GRM1: variants seen among roughly 807,000 people sequenced by gnomAD.
GRM1 encodes the protein metabotropic glutamate receptor 1.
In GRM1, 33 loss-of-function variants were observed where a neutral mutation model predicts 90.9. The observed-to-expected ratio is 0.36, with a 90% CI of 0.28 to 0.49. The LOEUF (loss-of-function observed/expected upper bound fraction) is 0.49. GRM1 is among the 20% of genes least tolerant of loss of function. The probability of loss-of-function intolerance (pLI) is 0.99; values close to 1 mark genes in which losing one functional copy is unlikely to be tolerated. For synonymous variants in GRM1, 700 were observed against 613.2 expected, an observed-to-expected ratio of 1.14 and a Z score of -2.09; for missense variants, 1,190 against 1,534.3, an observed-to-expected ratio of 0.78 and a Z score of 3.75.
intron 2 of GRM1, among the ~76,000 whole-genome samples, chr6:146,231,216 G>C (rs1023792451): frequency 2.0e-5 from 3 of 152,106 alleles, no homozygotes; most frequent in Admixed American, 6.6e-5. Flanking sequence ...TACCACTCTG[G>C]TGCGTGATGT....
chr6:146,231,295 A>G (rs944846009), intron 2 of GRM1, among the ~76,000 whole-genome samples: 1 of 152,120 alleles, frequency 6.6e-6, no homozygotes. Flanking sequence ...CTTCCACTCA[A>G]TTTTACTGAG....
At chr6:146,028,852 C>A (rs538842736), upstream of GRM1, among the ~76,000 whole-genome samples, 151 of 152,260 alleles carry the variant, frequency 9.9e-4, no homozygotes, top group Non-Finnish European at 1.9e-3. Flanking sequence ...CCGGAAAGTT[C>A]TCTTGGGTTG....
At chr6:146,281,778 A>G (rs1034678832) in intron 2 of GRM1, among the ~76,000 whole-genome samples, 1 of 152,134 alleles carries the variant, frequency 6.6e-6, no homozygotes. Context: ...TACTTCTTTC[A>G]TCTATTAATC....
At chr6:146,306,212 C>T (rs1041192706) in intron 3 of GRM1, among the ~76,000 whole-genome samples, 1 of 152,126 alleles carries the variant, frequency 6.6e-6, no homozygotes, top group Non-Finnish European at 1.5e-5. Context: ...AACAATAACC[C>T]ACCTCTGCCA....
intron 1 of GRM1, among the ~76,000 whole-genome samples, chr6:146,116,347 A>C (rs531674400): frequency 2.2e-4 from 33 of 152,306 alleles, no homozygotes; most frequent in African/African-American, 6.7e-4. Flanking sequence ...TTTATCAAAG[A>C]CTTTTTCCTC....
chr6:146,310,140 G>T (rs958924437), intron 3 of GRM1, among the ~76,000 whole-genome samples: 16 of 152,234 alleles, frequency 1.1e-4, no homozygotes, highest in Non-Finnish European at 2.1e-4. Context: ...GTAAGATGAT[G>T]ATAGCTAGTC....
chr6:146,232,600 G>A (rs182221225), intron 2 of GRM1, among the ~76,000 whole-genome samples: 7 of 152,018 alleles, frequency 4.6e-5, no homozygotes, highest in Admixed American at 2.6e-4. Flanking sequence ...TCACCCTGTT[G>A]TGTTATCAAA....
chr6:146,066,810 T>G (rs1197739427), intron 1 of GRM1, among the ~76,000 whole-genome samples: 1 of 151,910 alleles, frequency 6.6e-6, no homozygotes, highest in Non-Finnish European at 1.5e-5. Context: ...AGTAAATGCA[T>G]AGTAAATATG....
chr6:146,066,176 A>G (rs1241404735), intron 1 of GRM1, among the ~76,000 whole-genome samples: 2 of 152,160 alleles, frequency 1.3e-5, no homozygotes, highest in Non-Finnish European at 2.9e-5. Flanking sequence ...TAGGTAAGAG[A>G]GTATATTACC....
intron 2 of GRM1, among the ~76,000 whole-genome samples, chr6:146,203,084 C>T (rs1225559276): frequency 6.6e-6 from 1 of 151,978 alleles, no homozygotes; most frequent in Non-Finnish European, 1.5e-5. Context: ...GTCCCAGCTA[C>T]TGGGGAGGCT....
chr6:146,109,673 T>A (rs1015233451), intron 1 of GRM1, among the ~76,000 whole-genome samples: 1 of 151,976 alleles, frequency 6.6e-6, no homozygotes, highest in African/African-American at 2.4e-5. Context: ...GAATGATAGA[T>A]CCACTGACAG....
intron 1 of GRM1, among the ~76,000 whole-genome samples, chr6:146,103,785 T>C (rs1047563079): frequency 6.6e-6 from 1 of 152,184 alleles, no homozygotes; most frequent in African/African-American, 2.4e-5. Context: ...GATGCAGAGA[T>C]GATTAAGGCA....
At position 146,147,925 on chromosome 6, in the gene GRM1, T is replaced by C. The variant is rs529579097; in HGVS notation, c.701-11423T>C. The stretch of plus-strand genomic sequence containing the variant: ...AAAAAAAGAAGACAAATTTCTTCTT[T>C]AGTAAATTAGGGCTCTCACATCAGA... On this transcript the variant is annotated intron_variant, in intron 1 of 7. Coordinates refer to ENST00000282753, the MANE Select transcript of GRM1 (RefSeq NM_001278064.2). 2.7e-4 allele frequency among the ~76,000 whole-genome samples: 41 copies of C among 152,326 alleles called. No homozygotes were observed. The South Asian group carries it at 4.6e-3, about 17-fold the overall frequency.
intron 1 of GRM1, among the ~76,000 whole-genome samples, chr6:146,075,597 G>A (rs1229704591): frequency 6.6e-6 from 1 of 152,060 alleles, no homozygotes; most frequent in African/African-American, 2.4e-5. Context: ...AGTTTCCTAG[G>A]GTTGCCATAA....
At chr6:146,084,854 A>G (rs1039664197) in intron 1 of GRM1, among the ~76,000 whole-genome samples, 2 of 152,126 alleles carry the variant, frequency 1.3e-5, no homozygotes, top group African/African-American at 4.8e-5. Flanking sequence ...GTCTCCCACT[A>G]TTATTGTGTG....
At chr6:146,149,137 A>T (rs1270605488) in intron 1 of GRM1, among the ~76,000 whole-genome samples, 2 of 152,236 alleles carry the variant, frequency 1.3e-5, no homozygotes, top group African/African-American at 4.8e-5. Flanking sequence ...AAATGGATAC[A>T]GTGAGGCATG....
At chr6:146,359,946 T>C (rs1775401234) in intron 5 of GRM1, among the ~76,000 whole-genome samples, 1 of 151,842 alleles carries the variant, frequency 6.6e-6, no homozygotes. Context: ...GGGGGATGTT[T>C]GTTTTGTTTC....
intron 1 of GRM1, among the ~76,000 whole-genome samples, chr6:146,060,452 C>A (rs1562436668): frequency 6.6e-6 from 1 of 152,066 alleles, no homozygotes; most frequent in Non-Finnish European, 1.5e-5. Flanking sequence ...TCTTTGTATC[C>A]CTGTGTACTC....
At chr6:146,288,979 A>G (rs751344110) in intron 2 of GRM1, among the ~76,000 whole-genome samples, 5 of 152,178 alleles carry the variant, frequency 3.3e-5, no homozygotes, top group Admixed American at 1.3e-4. Flanking sequence ...TGCACTGTCA[A>G]TTGTATAAAA....
Sources: allele counts gnomAD v4.1 joint callset (sites outside exome capture counted in the v4.1 genomes callset), GRCh38; gene constraint gnomAD v4.1.1; transcripts MANE v1.5; gene names NCBI Gene and HGNC (gene_info 2026-07-23, HGNC 2026-07-21).